The following TENM4 variants were observed in gnomAD, a reference collection of about 807,000 sequenced individuals.
The protein encoded by TENM4 is teneurin-4.
Under a neutral mutation model 243.3 loss-of-function variants are expected in TENM4, and 82 were observed. The ratio of observed to expected loss-of-function variants is 0.34; its 90% confidence interval spans 0.28 to 0.40. TENM4 has a LOEUF of 0.40. Ranked by LOEUF, TENM4 falls within the 10% of genes least tolerant of loss-of-function variation. The pLI, the probability that TENM4 is intolerant of heterozygous loss-of-function variation, is 1.00. For synonymous variants in TENM4, 1,412 were observed against 1,456.3 expected (o/e 0.97, Z 0.69); for missense variants, 3,138 against 3,673.3 (o/e 0.85, Z 3.77).
intron 3 of TENM4, among the ~76,000 whole-genome samples, chr11:79,172,263 A>T (rs1390088752): frequency 6.6e-6 from 1 of 152,084 alleles, no homozygotes; most frequent in Non-Finnish European, 1.5e-5. Flanking sequence ...AGCACTGTTA[A>T]TAATTACACT....
chr11:78,695,026 CCTTT>C (rs1858921510), intron 28 of TENM4, among the ~76,000 whole-genome samples: 1 of 152,084 alleles, frequency 6.6e-6, no homozygotes, highest in African/African-American at 2.4e-5. Context: ...GCCTCAGCGT[CCTTT>C]ATTTTTATTT....
intron 4 of TENM4, among the ~76,000 whole-genome samples, chr11:79,115,307 G>A (rs890976797): frequency 6.6e-6 from 1 of 152,136 alleles, no homozygotes; most frequent in African/African-American, 2.4e-5. Context: ...AGAGGAGAGG[G>A]CTGGGGAGGA....
Position 78,814,337 on chromosome 11 carries a change from G to T in TENM4, c.1740C>A (p.Thr580=). 1 of 1,550,562 alleles carries T rather than the reference G, an allele frequency of 6.4e-7. No homozygotes were observed. Among genetic ancestry groups the T allele is most frequent in the Non-Finnish European group, 8.7e-7 (1 of 1,146,450 alleles). Reference sequence around the variant, plus strand: ...CCAGGAAACCCAGGAAGCAGTGGCAGGTCCCAGAGATGCAGTCACCATTGC... The same window carrying T: ...CCAGGAAACCCAGGAAGCAGTGGCATGTCCCAGAGATGCAGTCACCATTGC... ...CYGNGDCISG[T]CHCFLGFLGP... The change falls in exon 13 of 34, where the codon ACC becomes ACA. Residue 580 remains threonine, a synonymous_variant. Coordinates refer to ENST00000278550, the MANE Select transcript of TENM4 (RefSeq NM_001098816.3).
chr11:78,749,935 C>T (rs1040755222), intron 19 of TENM4, among the ~76,000 whole-genome samples: 1 of 152,158 alleles, frequency 6.6e-6, no homozygotes, highest in East Asian at 1.9e-4. Flanking sequence ...CCCACATGCC[C>T]CCTTTGCTCA....
At chr11:79,102,636 G>A (rs571013300) in intron 4 of TENM4, among the ~76,000 whole-genome samples, 63 of 152,312 alleles carry the variant, frequency 4.1e-4, no homozygotes, top group African/African-American at 1.5e-3. Flanking sequence ...AAGCACCATG[G>A]TCATTGCTAT....
At chr11:78,810,709 C>T (rs920105857) in intron 14 of TENM4, among the ~76,000 whole-genome samples, 1 of 152,216 alleles carries the variant, frequency 6.6e-6, no homozygotes, top group Non-Finnish European at 1.5e-5. Flanking sequence ...GCTTTTCAGA[C>T]ACTAATCTCT....
At chr11:78,908,303 G>T (rs781185152) in intron 6 of TENM4, among the ~76,000 whole-genome samples, 2 of 152,088 alleles carry the variant, frequency 1.3e-5, no homozygotes, top group Non-Finnish European at 2.9e-5. Flanking sequence ...TGGAAATAAC[G>T]CCCACCTTAT....
At chr11:79,399,958 A>G (rs749917532) in intron 1 of TENM4, among the ~76,000 whole-genome samples, 205 of 152,270 alleles carry the variant, frequency 1.3e-3, no homozygotes, top group Non-Finnish European at 2.1e-3. Context: ...TCTTTAGCCC[A>G]AACTCCCACC....
At chr11:78,908,180 G>A (rs12224977) in intron 6 of TENM4, among the ~76,000 whole-genome samples, 49 of 152,226 alleles carry the variant, frequency 3.2e-4, no homozygotes, top group East Asian at 1.4e-3. Context: ...AAAGAGACTC[G>A]GCTTTGGTGT....
intron 3 of TENM4, among the ~76,000 whole-genome samples, chr11:79,164,575 T>TATATACTATATACTAC (rs1470341558): frequency 6.9e-6 from 1 of 145,112 alleles, no homozygotes; most frequent in East Asian, 2.0e-4. Context: ...CTATATACTA[T>TATATACTATATACTAC]ATATATACAT....
intron 3 of TENM4, among the ~76,000 whole-genome samples, chr11:79,187,687 T>C (rs932006439): frequency 4.6e-5 from 7 of 152,106 alleles, no homozygotes; most frequent in Non-Finnish European, 1.5e-5. Flanking sequence ...GACAGGGCCT[T>C]AAAAAAGTTA....
chr11:79,108,962 C>A (rs1861439166), intron 4 of TENM4, among the ~76,000 whole-genome samples: 2 of 152,230 alleles, frequency 1.3e-5, no homozygotes, highest in South Asian at 4.2e-4. Context: ...TCACAAACAC[C>A]CACCGCTTGA....
At chr11:79,402,042 A>C in intron 1 of TENM4, 1 of 428,866 alleles carries the variant, frequency 2.3e-6, no homozygotes, top group Non-Finnish European at 5.1e-6. Context: ...CTAGAAGCTC[A>C]CAGTCTAGTT....
chr11:79,028,927 T>C (rs976302558), intron 6 of TENM4, among the ~76,000 whole-genome samples: 1 of 152,178 alleles, frequency 6.6e-6, no homozygotes, highest in Non-Finnish European at 1.5e-5. Context: ...ACAAGCACAC[T>C]AAGTGGTATG....
chr11:78,894,829 GA>G (rs1446941411), intron 7 of TENM4, among the ~76,000 whole-genome samples: 2 of 151,058 alleles, frequency 1.3e-5, no homozygotes, highest in African/African-American at 2.4e-5. Context: ...CCCATCTCTA[GA>G]AAAAAATTCA....
chr11:79,018,976 C>T (rs1237888462), intron 6 of TENM4, among the ~76,000 whole-genome samples: 3 of 152,340 alleles, frequency 2.0e-5, no homozygotes, highest in Middle Eastern at 3.4e-3. Flanking sequence ...CCAGCCCCTC[C>T]ACCCACCCTC....
intron 9 of TENM4, among the ~76,000 whole-genome samples, chr11:78,863,339 G>C (rs1858873461): frequency 6.6e-6 from 1 of 152,198 alleles, no homozygotes; most frequent in African/African-American, 2.4e-5. Context: ...GCCCTCAAGG[G>C]GCTCACAGTC....
At chr11:78,673,441 A>T (rs1858386315) in intron 30 of TENM4, among the ~76,000 whole-genome samples, 1 of 152,338 alleles carries the variant, frequency 6.6e-6, no homozygotes. Context: ...GCAGATAATT[A>T]GGTCACGTGA....
intron 6 of TENM4, among the ~76,000 whole-genome samples, chr11:79,043,703 C>T (rs979708625): frequency 2.0e-5 from 3 of 152,160 alleles, no homozygotes; most frequent in African/African-American, 7.2e-5. Context: ...TCTCTATAAA[C>T]ATCTGATGAA....
Sources: allele counts gnomAD v4.1 joint callset (sites outside exome capture counted in the v4.1 genomes callset), GRCh38; gene constraint gnomAD v4.1.1; transcripts MANE v1.5; gene names NCBI Gene and HGNC (gene_info 2026-07-23, HGNC 2026-07-21).